STK39: variants seen among roughly 807,000 people sequenced by gnomAD.
The protein encoded by STK39 is serine/threonine kinase 39, also known as STE20/SPS1-related proline-alanine-rich protein kinase.
A neutral mutation model predicts 77.8 loss-of-function variants in STK39; 20 were observed. The ratio of observed to expected loss-of-function variants is 0.26; its 90% CI spans 0.18 to 0.37. STK39 has a LOEUF of 0.37. Ranked by LOEUF, STK39 falls within the 10% of genes least tolerant of loss-of-function variation. STK39 has a pLI of 1.00. For missense variants in STK39, 479 were observed against 656.5 expected, an observed-to-expected ratio of 0.73 and a Z score of 2.95; for synonymous variants, 246 against 234.1, an observed-to-expected ratio of 1.05 and a Z score of -0.47.
At chr2:168,074,938 A>T (rs1439259233) in intron 12 of STK39, 44 bp downstream of exon 12, 1 of 1,604,470 alleles carries the variant, frequency 6.2e-7, no homozygotes, top group South Asian at 1.1e-5. Flanking sequence ...TACCACAAGA[A>T]AGGAATGAAA....
chr2:168,147,607 T>C (rs1688173893), intron 5 of STK39, among the ~76,000 whole-genome samples: 1 of 152,154 alleles, frequency 6.6e-6, no homozygotes, highest in Admixed American at 6.5e-5. Flanking sequence ...TGCACAATTG[T>C]GTACATGCAC....
chr2:167,972,483 T>G lies in STK39; in HGVS notation c.1499-7757A>C, dbSNP rs181772697. Among the ~76,000 whole-genome samples, 641 of 152,302 alleles carry G rather than the reference T, an allele frequency of 4.2e-3. 2 individuals are homozygous for G. Among genetic ancestry groups the G allele is most frequent in the Non-Finnish European group, 5.9e-3 (398 of 68,018 alleles). On this transcript the variant is annotated intron_variant, in intron 16 of 17. Coordinates refer to ENST00000355999, the MANE Select transcript of STK39 (RefSeq NM_013233.3). ...TGTAACCATGTGGCCTTGCTTTCTC[T>G]TTTCACAATGGCGGCCCGGGTTCAG...
At position 168,063,491 on chromosome 2, in the gene STK39, A is replaced by G. The variant is rs775470763; in HGVS notation, c.1376+9T>C. 1 of 1,608,910 alleles carries G rather than the reference A, an allele frequency of 6.2e-7. No individual in the cohort carries two copies. Among genetic ancestry groups the G allele is most frequent in the East Asian group, 2.2e-5 (1 of 44,816 alleles). ...AAAACAATGCAGAATAAACAACAGT[A>G]TTATTTACCTTAATCTCAAAACGAG... On this transcript the variant is annotated intron_variant, in intron 14 of 17. Transcript: ENST00000355999.
intron 1 of STK39, among the ~76,000 whole-genome samples, chr2:168,231,331 T>C (rs1166249790): frequency 6.6e-6 from 1 of 152,102 alleles, no homozygotes; most frequent in Non-Finnish European, 1.5e-5. Context: ...CTGCTGTTGT[T>C]TTTTACCAGA....
At chr2:168,015,483 C>T (rs1684381767) in intron 15 of STK39, among the ~76,000 whole-genome samples, 1 of 152,146 alleles carries the variant, frequency 6.6e-6, no homozygotes, top group South Asian at 2.1e-4. Flanking sequence ...ATTAGGCAGA[C>T]AATGCCATGG....
At chr2:168,098,545 C>T (rs1019529201) in intron 10 of STK39, among the ~76,000 whole-genome samples, 1 of 152,144 alleles carries the variant, frequency 6.6e-6, no homozygotes, top group African/African-American at 2.4e-5. Context: ...CCGTGACACC[C>T]TATTGACAGG....
chr2:168,247,473 C>A lies in STK39; in HGVS notation c.-38G>T. On this transcript the variant is annotated 5_prime_UTR_variant, in exon 1 of 18. Coordinates refer to ENST00000355999, the MANE Select transcript of STK39 (RefSeq NM_013233.3). ...GAGAGCAGGAGGACGCGCCGGCCGA[C>A]GGACGACCTTCCACTTGAAACTTCC... The A allele has an allele frequency of 2.3e-6, 3 of 1,296,362 alleles. No homozygotes were observed. Among genetic ancestry groups the A allele is most frequent in the Non-Finnish European group, 3.0e-6 (3 of 1,007,366 alleles). 80.3% of individuals were successfully genotyped at this position (1,296,362 alleles called of 1,614,324 possible).
chr2:168,063,597 T>C (rs1295358158), intron 13 of STK39, 27 bp from the exon 14 acceptor site: 1 of 1,577,080 alleles, frequency 6.3e-7, no homozygotes, highest in Non-Finnish European at 8.7e-7. Context: ...GCAAACAGTG[T>C]TATAAACTGT....
chr2:168,101,063 C>G (rs530224361), intron 10 of STK39, among the ~76,000 whole-genome samples: 2 of 152,256 alleles, frequency 1.3e-5, no homozygotes, highest in Admixed American at 1.3e-4. Context: ...TGCAGCGACA[C>G]AGATGAAGCT....
At chr2:167,990,251 A>G (rs996287079) in intron 16 of STK39, among the ~76,000 whole-genome samples, 2 of 152,152 alleles carry the variant, frequency 1.3e-5, no homozygotes, top group African/African-American at 4.8e-5. Context: ...AGACAAATGA[A>G]GGGCGCTGTT....
At chr2:168,146,517 GAGCCCCCAT>G (rs1232016960) in intron 5 of STK39, among the ~76,000 whole-genome samples, 1 of 152,148 alleles carries the variant, frequency 6.6e-6, no homozygotes, top group African/African-American at 2.4e-5. Flanking sequence ...GGAGCAATAG[GAGCCCCCAT>G]AGCTTCAGGG....
chr2:168,017,716 A>C (rs866686131), intron 14 of STK39, among the ~76,000 whole-genome samples: 2 of 152,140 alleles, frequency 1.3e-5, no homozygotes, highest in African/African-American at 4.8e-5. Context: ...AGTCTAAAAT[A>C]AATGGTATCC....
intron 1 of STK39, among the ~76,000 whole-genome samples, chr2:168,235,701 G>C (rs913612040): frequency 5.4e-5 from 8 of 147,756 alleles, no homozygotes; most frequent in Non-Finnish European, 1.0e-4. Flanking sequence ...GAGAACATGC[G>C]GTGTTTGATT....
At chr2:168,231,290 G>A (rs943066616) in intron 1 of STK39, among the ~76,000 whole-genome samples, 16 of 152,116 alleles carry the variant, frequency 1.1e-4, no homozygotes, top group Admixed American at 9.2e-4. Context: ...TTTCTTCATA[G>A]GAGGACTGAC....
At chr2:168,231,336 AC>A (rs1430042943) in intron 1 of STK39, among the ~76,000 whole-genome samples, 1 of 152,128 alleles carries the variant, frequency 6.6e-6, no homozygotes, top group Non-Finnish European at 1.5e-5. Context: ...GTTGTTTTTT[AC>A]CAGAAAATAA....
intron 10 of STK39, among the ~76,000 whole-genome samples, chr2:168,120,101 T>C (rs551808518): frequency 3.3e-5 from 5 of 152,338 alleles, no homozygotes; most frequent in Non-Finnish European, 1.5e-5. Context: ...ATAGATGGTT[T>C]TTCCTTTTCT....
At chr2:168,179,157 G>A (rs911287446) in intron 2 of STK39, among the ~76,000 whole-genome samples, 16 of 152,198 alleles carry the variant, frequency 1.1e-4, no homozygotes, top group Admixed American at 4.6e-4. Context: ...GGCACAGTCT[G>A]TGAGACGATG....
At chr2:168,113,519 G>A (rs1055052514) in intron 10 of STK39, among the ~76,000 whole-genome samples, 8 of 152,158 alleles carry the variant, frequency 5.3e-5, no homozygotes, top group Non-Finnish European at 1.2e-4. Flanking sequence ...CAGTGAGGTG[G>A]GCCAGTGGGC....
chr2:168,015,040 C>T (rs1323615114), intron 15 of STK39, among the ~76,000 whole-genome samples: 1 of 152,164 alleles, frequency 6.6e-6, no homozygotes, highest in Non-Finnish European at 1.5e-5. Flanking sequence ...TGCGTGCGTG[C>T]CATTAGGCAA....
Sources: gnomAD v4.1 joint callset for allele counts (sites outside exome capture counted in the v4.1 genomes callset) on GRCh38, gnomAD v4.1.1 for gene constraint, MANE v1.5 for transcripts, NCBI Gene and HGNC (gene_info 2026-07-23, HGNC 2026-07-21) for gene names.